The following DENND4C variants were observed in gnomAD, a reference collection of about 807,000 sequenced individuals.
DENND4C encodes DENN domain-containing protein 4C.
Under a neutral mutation model 203.0 loss-of-function variants are expected in DENND4C, and 108 were observed. The ratio of observed to expected loss-of-function variants is 0.53; its 90% confidence interval spans 0.46 to 0.62. The LOEUF (loss-of-function observed/expected upper bound fraction) is 0.62, where lower values mean the gene tolerates loss of function less well. Among genes scored for constraint, DENND4C ranks in the 20% least tolerant of loss-of-function variants. The pLI, the probability that DENND4C is intolerant of heterozygous loss-of-function variation, is 0.00. For missense variants in DENND4C, 2,481 were observed against 2,301.2 expected (o/e 1.08, Z -1.60); for synonymous variants, 871 against 792.4 (o/e 1.10, Z -1.67).
chr9:19,238,043 G>T (rs1048929384), intron 1 of DENND4C, among the ~76,000 whole-genome samples: 2 of 151,782 alleles, frequency 1.3e-5, no homozygotes, highest in Non-Finnish European at 1.5e-5. Context: ...GTAGGCTCTA[G>T]GGAAGACCCC....
chr9:19,237,588 A>T (rs950461226), intron 1 of DENND4C, among the ~76,000 whole-genome samples: 2 of 150,770 alleles, frequency 1.3e-5, no homozygotes, highest in African/African-American at 4.9e-5. Context: ...CGATCTCCTC[A>T]CTTTGTGATC....
chr9:19,316,004 A>G (rs1211901694), intron 10 of DENND4C, among the ~76,000 whole-genome samples: 1 of 152,152 alleles, frequency 6.6e-6, no homozygotes, highest in Admixed American at 6.5e-5. Flanking sequence ...TGAGGGCTGG[A>G]TGAACTACAT....
chr9:19,329,089 A>G (rs765595357), intron 16 of DENND4C, among the ~76,000 whole-genome samples: 4 of 152,226 alleles, frequency 2.6e-5, no homozygotes, highest in Non-Finnish European at 4.4e-5. Flanking sequence ...ACCATACAGC[A>G]TACCCACTTA....
intron 12 of DENND4C, among the ~76,000 whole-genome samples, chr9:19,322,458 T>G (rs1464079230): frequency 1.3e-5 from 2 of 152,014 alleles, no homozygotes; most frequent in Non-Finnish European, 2.9e-5. Context: ...AGGATGTACA[T>G]AGAAGTAAAA....
At chr9:19,247,556 T>G (rs1388634423) in intron 1 of DENND4C, among the ~76,000 whole-genome samples, 1 of 152,164 alleles carries the variant, frequency 6.6e-6, no homozygotes, top group Non-Finnish European at 1.5e-5. Context: ...CTACCACACC[T>G]GGCTAATTTT....
At chr9:19,334,808 A>G (rs1235078060) in intron 17 of DENND4C, among the ~76,000 whole-genome samples, 169 bp from the exon 18 acceptor site, 1 of 152,174 alleles carries the variant, frequency 6.6e-6, no homozygotes, top group African/African-American at 2.4e-5. Flanking sequence ...GGCGTGAGCC[A>G]CTGTGCCCAG....
chr9:19,254,058 A>AT (rs750556891), intron 1 of DENND4C, among the ~76,000 whole-genome samples: 45 of 151,806 alleles, frequency 3.0e-4, no homozygotes, highest in Non-Finnish European at 3.7e-4. Context: ...AAGTCGTTTT[A>AT]TTTTTTCTTC....
intron 1 of DENND4C, among the ~76,000 whole-genome samples, chr9:19,274,166 A>T (rs1029018489): frequency 1.3e-5 from 2 of 152,050 alleles, no homozygotes; most frequent in African/African-American, 4.8e-5. Context: ...AAGAATACAT[A>T]CTGTATGAGT....
At chr9:19,252,193 A>G (rs537337524) in intron 1 of DENND4C, among the ~76,000 whole-genome samples, 1 of 152,158 alleles carries the variant, frequency 6.6e-6, no homozygotes, top group African/African-American at 2.4e-5. Context: ...GTCTTATGTG[A>G]ATGGCAGCAG....
intron 10 of DENND4C, among the ~76,000 whole-genome samples, chr9:19,313,265 C>G (rs1841102054): frequency 6.6e-6 from 1 of 151,870 alleles, no homozygotes; most frequent in African/African-American, 2.4e-5. Flanking sequence ...TTGGCAATAT[C>G]CTCTTACTCT....
Position 19,358,168 on chromosome 9 carries a change from A to T in DENND4C, c.5160+8A>T. 1 of 1,606,528 alleles carries T rather than the reference A, an allele frequency of 6.2e-7. No homozygotes were observed. The highest frequency in any genetic ancestry group is 8.5e-7 in the Non-Finnish European group (1 of 1,174,332). ...AGTCTGCAGGAAGTTGTGGTATGTA[A>T]CAACAACAACATTGTAATTATACTG... On this transcript the variant is annotated splice_region_variant and intron_variant, in intron 28 of 32. Transcript: ENST00000434457. The surrounding 1 kb of genome is among the most constrained non-coding windows in gnomAD (Gnocchi z 4.8).
At chr9:19,254,679 C>T (rs1827490657) in intron 1 of DENND4C, among the ~76,000 whole-genome samples, 1 of 152,028 alleles carries the variant, frequency 6.6e-6, no homozygotes, top group Admixed American at 6.6e-5. Flanking sequence ...ATAAAGAGAG[C>T]AAATTGTAAG....
chr9:19,323,430 G>GAA lies in DENND4C; in HGVS notation c.1808-918_1808-917dup, dbSNP rs35063286. Among the ~76,000 whole-genome samples the GAA allele has an allele frequency of 6.6e-5, 9 of 136,402 alleles. No homozygotes were observed. The South Asian group carries it at 2.1e-3, about 32-fold the overall frequency. 89.5% of individuals were successfully genotyped at this position (136,402 alleles called of 152,430 possible). A position where few individuals can be genotyped will look rare whatever the true frequency, so the allele number is the denominator to read the frequency against. ...GGGCGACAGAGCTAGACTCTGTCTG[G>GAA]AAAAAAAAAAAAAAAGGAATGAAGA... On this transcript the variant is annotated intron_variant, in intron 12 of 32. Transcript: ENST00000434457.
At chr9:19,314,309 C>T (rs935528844) in intron 10 of DENND4C, among the ~76,000 whole-genome samples, 10 of 151,994 alleles carry the variant, frequency 6.6e-5, no homozygotes, top group Admixed American at 6.6e-4. Flanking sequence ...AAAAAATTAG[C>T]TGGGTGTGGT....
intron 17 of DENND4C, among the ~76,000 whole-genome samples, chr9:19,334,223 T>C (rs956653758): frequency 6.6e-6 from 1 of 152,108 alleles, no homozygotes; most frequent in African/African-American, 2.4e-5. Flanking sequence ...TTTTTGTATA[T>C]ATTTTTTTGT....
intron 9 of DENND4C, among the ~76,000 whole-genome samples, chr9:19,305,035 C>A (rs934016316): frequency 3.3e-5 from 5 of 151,408 alleles, no homozygotes; most frequent in Non-Finnish European, 7.4e-5. Flanking sequence ...ATATTTGGGG[C>A]CATTTTATTT....
intron 1 of DENND4C, among the ~76,000 whole-genome samples, chr9:19,256,032 G>C (rs556018774): frequency 1.2e-4 from 18 of 150,788 alleles, no homozygotes; most frequent in Non-Finnish European, 2.5e-4. Context: ...GAGGCCAGGA[G>C]TTCAAGACCA....
chr9:19,236,210 G>A (rs1315840425), intron 1 of DENND4C, among the ~76,000 whole-genome samples: 5 of 152,028 alleles, frequency 3.3e-5, no homozygotes, highest in Non-Finnish European at 5.9e-5. Context: ...ATATAAAAAG[G>A]TGACTAGTAA....
Position 19,336,811 on chromosome 9 carries a change from A to G in DENND4C, c.2860A>G (p.Ile954Val). 3 of 1,550,624 alleles carry G rather than the reference A, an allele frequency of 1.9e-6. No homozygotes were observed. The highest frequency in any genetic ancestry group is 2.7e-5 in the African/African-American group (2 of 73,182). The change falls in exon 20 of 33, where the codon ATT (isoleucine) becomes GTT (valine). Residue 954 changes from isoleucine (I) to valine (V), a missense_variant. This residue lies in a region of DENND4C where 2,289 missense variants were observed against 2,113.3 expected (regional missense o/e 1.08). Transcript: ENST00000434457. Reference protein sequence around the residue: ...FVRDLIRLESIDNHSSTGGQS... With the variant: ...FVRDLIRLESVDNHSSTGGQS... ...CAGAGATTTAATCAGGCTTGAGTCC[A>G]TTGATAATCACTCTAGCACAGGTAC... is the stretch of plus-strand genomic sequence containing the variant.
Sources: allele counts gnomAD v4.1 joint callset (sites outside exome capture counted in the v4.1 genomes callset), GRCh38; gene constraint gnomAD v4.1.1; regional missense constraint gnomAD v4.1.1; non-coding constraint Gnocchi (gnomAD v3.1); transcripts MANE v1.5; gene names NCBI Gene and HGNC (gene_info 2026-07-23, HGNC 2026-07-21).